DNAH7: variants seen among roughly 807,000 people sequenced by gnomAD.
DNAH7 encodes axonemal beta dynein heavy chain 7.
DNAH7 carries 397 observed loss-of-function variants against 444.6 expected under a neutral mutation model. That is an observed-to-expected ratio of 0.89 (90% CI 0.82 to 0.97). The LOEUF (loss-of-function observed/expected upper bound fraction) is 0.97, where lower values mean the gene tolerates loss of function less well. DNAH7 is among the 50% of genes least tolerant of loss of function. The pLI is 0.00. For synonymous variants in DNAH7, 1,636 were observed against 1,624.4 expected (o/e 1.01, Z -0.17); for missense variants, 4,902 against 4,800.8 (o/e 1.02, Z -0.62).
chr2:195,910,577 T>C (rs748756423), intron 24 of DNAH7, among the ~76,000 whole-genome samples: 18 of 151,842 alleles, frequency 1.2e-4, no homozygotes, highest in Non-Finnish European at 2.2e-4. Flanking sequence ...GAAAAGAAAA[T>C]TACCAACGAA....
chr2:195,754,443 G>A lies in DNAH7; in HGVS notation c.11658C>T (p.Thr3886=), dbSNP rs555417845. The A allele has an allele frequency of 8.7e-6, 14 of 1,614,082 alleles. No individual in the cohort carries two copies. Among genetic ancestry groups the A allele is most frequent in the Admixed American group, 8.3e-5 (5 of 60,008 alleles). Residue 3886 remains threonine (T), a synonymous_variant, in exon 63 of 65, where the codon ACC becomes ACT. Coordinates refer to ENST00000312428, the MANE Select transcript of DNAH7 (RefSeq NM_018897.3). ...SGFFFTQAFL[T]GAQQNYARKY... ...TCCTGGCGTAGTTCTGCTGGGCACC[G>A]GTCAGGAAGGCTTGTGTGAAGAAGA...
At chr2:195,778,056 C>G (rs1695147806) in intron 58 of DNAH7, 71 bp from the exon 59 acceptor site, 3 of 1,342,408 alleles carry the variant, frequency 2.2e-6, no homozygotes, top group Non-Finnish European at 1.9e-6. Context: ...TTGTTTTTTC[C>G]TATTACTAAA....
At chr2:195,775,100 G>T (rs1574411694) in intron 60 of DNAH7, among the ~76,000 whole-genome samples, 1 of 152,094 alleles carries the variant, frequency 6.6e-6, no homozygotes, top group East Asian at 1.9e-4. Context: ...TGTAGTTCTG[G>T]TCTCTTTACC....
At chr2:195,835,381 C>CAAAAAAAAAAAAAAAAAAATAAAAAAAAA (rs1698310469) in intron 47 of DNAH7, among the ~76,000 whole-genome samples, 1 of 113,054 alleles carries the variant, frequency 8.8e-6, no homozygotes. Context: ...GTGACTGAGG[C>CAAAAAAAAAAAAAAAAAAATAAAAAAAAA]AAAAAAAAAA....
chr2:195,902,027 C>T (rs1433128678), intron 27 of DNAH7: 1 of 152,072 alleles, frequency 6.6e-6, no homozygotes, highest in Non-Finnish European at 1.5e-5. Context: ...ATATGGAAGA[C>T]AGCAATATTC....
chr2:195,992,054 C>T (rs1269674372), intron 12 of DNAH7, among the ~76,000 whole-genome samples: 4 of 152,102 alleles, frequency 2.6e-5, no homozygotes, highest in Non-Finnish European at 5.9e-5. Context: ...AACAACCTAG[C>T]CAGGTGAGTT....
intron 42 of DNAH7, among the ~76,000 whole-genome samples, chr2:195,859,221 T>A (rs1699886791): frequency 6.6e-6 from 1 of 152,312 alleles, no homozygotes; most frequent in Middle Eastern, 3.4e-3. Flanking sequence ...TCAAAATATA[T>A]TATTTTGAAT....
At chr2:195,797,855 A>G (rs1696237544) in intron 55 of DNAH7, among the ~76,000 whole-genome samples, 1 of 152,210 alleles carries the variant, frequency 6.6e-6, no homozygotes, top group Non-Finnish European at 1.5e-5. Flanking sequence ...ACCCTACATG[A>G]TCTGGTCCTT....
intron 47 of DNAH7, among the ~76,000 whole-genome samples, chr2:195,835,583 T>C (rs985308044): frequency 6.6e-6 from 1 of 152,150 alleles, no homozygotes; most frequent in African/African-American, 2.4e-5. Flanking sequence ...CGGTAGCTCA[T>C]GCCTGTAATC....
intron 62 of DNAH7, among the ~76,000 whole-genome samples, chr2:195,754,937 C>T: frequency 6.6e-6 from 1 of 152,198 alleles, no homozygotes; most frequent in Middle Eastern, 3.2e-3. Flanking sequence ...GTTTTAAAAA[C>T]AGGTGGTATA....
chr2:195,785,328 T>A (rs1439151725), intron 58 of DNAH7, among the ~76,000 whole-genome samples: 1 of 152,200 alleles, frequency 6.6e-6, no homozygotes, highest in African/African-American at 2.4e-5. Flanking sequence ...TCTCTCAGTC[T>A]GTCTGTGTGT....
Position 195,845,088 on chromosome 2 carries a change from G to C in DNAH7, c.8859C>G (p.Thr2953=), listed in dbSNP as rs774503084. The change falls in exon 47 of 65, where the codon ACC becomes ACG. Residue 2953 remains threonine, a synonymous_variant. Transcript: ENST00000312428. The stretch of plus-strand genomic sequence containing the variant: ...TTCGAATTGTCACAGCTTCTCCCAG[G>C]GTACCCATAAGAGAGCAATCATCTG... The part of the protein sequence containing the change: ...PCSDDCSLMG[T]LGEAVTIRTW... 4.3e-6 allele frequency: 7 copies of C among 1,613,710 alleles called. No individual in the cohort carries two copies. The South Asian group carries it at 5.5e-5, about 13-fold the overall frequency.
intron 29 of DNAH7, among the ~76,000 whole-genome samples, chr2:195,896,579 C>G (rs1051412265): frequency 1.3e-5 from 2 of 152,106 alleles, no homozygotes; most frequent in African/African-American, 4.8e-5. Flanking sequence ...GGACTTCACT[C>G]CTCACCTCCA....
At chr2:196,060,936 A>C (rs1328368670) in intron 1 of DNAH7, among the ~76,000 whole-genome samples, 1 of 152,126 alleles carries the variant, frequency 6.6e-6, no homozygotes, top group African/African-American at 2.4e-5. Context: ...TTTCATTGCC[A>C]ATTCATTCTC....
At position 195,876,578 on chromosome 2, in the gene DNAH7, T is replaced by C. The variant is rs775675420; in HGVS notation, c.6083A>G (p.Lys2028Arg). Residue 2028 changes from lysine (K) to arginine (R), a missense_variant, in exon 37 of 65, where the codon AAG becomes AGG. By Grantham distance (26) the Lys-to-Arg change is conservative (BLOSUM62 2). Transcript: ENST00000312428. ...IVMSKLDKRR[K>R]GVFGPPLGKR... Reference sequence around the variant, plus strand: ...GCCCAAAGGAGGACCAAAAACTCCCTTTCTTCTCTTGTCCAATTTTGACAT... The same window carrying C: ...GCCCAAAGGAGGACCAAAAACTCCCCTTCTTCTCTTGTCCAATTTTGACAT... 6 of 1,613,958 alleles carry C rather than the reference T, an allele frequency of 3.7e-6. No homozygotes were observed. The highest frequency in any genetic ancestry group is 5.1e-6 in the Non-Finnish European group (6 of 1,179,902).
rs749070628 is a variant in DNAH7, at chr2:195,936,843, CTATT to C, written c.3079-55_3079-52del. On this transcript the variant is annotated intron_variant, in intron 19 of 64. Transcript: ENST00000312428. The stretch of plus-strand genomic sequence containing the variant: ...AATTCAAAAATATTAGATACTAACT[CTATT>C]TATATTCATATTATATTTGAGATTA... 11 of 1,226,648 alleles carry C rather than the reference CTATT, an allele frequency of 9.0e-6. 1 individual carries two copies. In the South Asian group the frequency reaches 2.0e-4, roughly 22 times the overall value. 76.0% of individuals were successfully genotyped at this position (1,226,648 alleles called of 1,614,324 possible).
intron 5 of DNAH7, among the ~76,000 whole-genome samples, chr2:196,039,478 A>C (rs759297130): frequency 2.0e-5 from 3 of 152,148 alleles, no homozygotes; most frequent in Non-Finnish European, 4.4e-5. Flanking sequence ...AGTAGAAGAA[A>C]TAATAAAGAC....
At chr2:195,742,453 G>T (rs1213760145) in intron 63 of DNAH7, among the ~76,000 whole-genome samples, 1 of 152,168 alleles carries the variant, frequency 6.6e-6, no homozygotes, top group Non-Finnish European at 1.5e-5. Flanking sequence ...GTAAACAAAA[G>T]AGTTCATTTC....
chr2:195,744,215 C>T (rs842731), intron 63 of DNAH7, among the ~76,000 whole-genome samples: 119,780 of 152,192 alleles, frequency 0.79, 48,186 homozygotes, highest in South Asian at 0.88. Flanking sequence ...GATTATATCC[C>T]ACACCTGGCT....
Sources: allele counts gnomAD v4.1 joint callset (sites outside exome capture counted in the v4.1 genomes callset), GRCh38; gene constraint gnomAD v4.1.1; transcripts MANE v1.5; gene names NCBI Gene and HGNC (gene_info 2026-07-23, HGNC 2026-07-21).